The following RPH3A variants were observed in gnomAD, a reference collection of about 807,000 sequenced individuals.
The protein encoded by RPH3A is rabphilin-3A.
In RPH3A, 48 loss-of-function variants were observed where a neutral mutation model predicts 102.2. That is an observed-to-expected ratio of 0.47 (90% CI 0.37 to 0.60). The LOEUF (loss-of-function observed/expected upper bound fraction) is 0.60, where lower values mean the gene tolerates loss of function less well. Among genes scored for constraint, RPH3A ranks in the 20% least tolerant of loss-of-function variants. The pLI is 0.00. For missense variants in RPH3A, 781 were observed against 910.1 expected, an observed-to-expected ratio of 0.86 and a Z score of 1.83; for synonymous variants, 310 against 324.3, an observed-to-expected ratio of 0.96 and a Z score of 0.47.
intron 1 of RPH3A, among the ~76,000 whole-genome samples, chr12:112,667,069 C>T (rs1020547467): frequency 1.3e-5 from 2 of 152,168 alleles, no homozygotes; most frequent in African/African-American, 4.8e-5. Context: ...GTTCTCTGCT[C>T]CAGCCACAAA....
rs555054955 is a variant in RPH3A, at chr12:112,812,848, CCTT to C, written c.-18-15449_-18-15447del. Among the ~76,000 whole-genome samples, 88 of 152,306 alleles carry C rather than the reference CCTT, an allele frequency of 5.8e-4. 1 individual carries two copies. Among genetic ancestry groups the C allele is most frequent in the African/African-American group, 2.0e-3 (85 of 41,574 alleles). On this transcript the variant is annotated intron_variant, in intron 2 of 21. Transcript: ENST00000389385. ...CTTCTGATTTCTATCTCTTTGCAAA[CCTT>C]CTTTGAGCCAATGTATACAAATTAC...
At chr12:112,879,030 C>A (rs972382282) in intron 13 of RPH3A, 89 bp from the exon 14 acceptor site, 7 of 1,187,070 alleles carry the variant, frequency 5.9e-6, no homozygotes, top group Non-Finnish European at 8.7e-6. Context: ...CAATTCACAG[C>A]CCAGCCTGGG....
chr12:112,863,609 A>G (rs2042558040), intron 5 of RPH3A, among the ~76,000 whole-genome samples: 1 of 152,152 alleles, frequency 6.6e-6, no homozygotes, highest in Non-Finnish European at 1.5e-5. Flanking sequence ...GTGAGCCACC[A>G]TGCCCAGTTA....
chr12:112,729,116 C>T (rs538468442), intron 1 of RPH3A, among the ~76,000 whole-genome samples: 2 of 151,226 alleles, frequency 1.3e-5, no homozygotes, highest in Admixed American at 6.6e-5. Context: ...TCTAACCAGT[C>T]TTAGTTGGTC....
chr12:112,862,012 C>CAAAAA, intron 5 of RPH3A, among the ~76,000 whole-genome samples: 1 of 78,480 alleles, frequency 1.3e-5, no homozygotes, highest in South Asian at 4.6e-4. Context: ...GACTCCGTCT[C>CAAAAA]AAAAAAAAAA....
intron 1 of RPH3A, among the ~76,000 whole-genome samples, chr12:112,643,184 C>T (rs1258101382): frequency 6.6e-6 from 1 of 152,168 alleles, no homozygotes; most frequent in Admixed American, 6.5e-5. Flanking sequence ...ATTTAACCAC[C>T]ATCACGCTGT....
At chr12:112,842,554 T>A (rs1055520231) in intron 4 of RPH3A, among the ~76,000 whole-genome samples, 2 of 152,220 alleles carry the variant, frequency 1.3e-5, no homozygotes, top group African/African-American at 4.8e-5. Context: ...GGTTACTGTA[T>A]CTTCATAGCA....
intron 1 of RPH3A, among the ~76,000 whole-genome samples, chr12:112,704,066 C>A (rs984738692): frequency 6.6e-6 from 1 of 151,930 alleles, no homozygotes; most frequent in East Asian, 1.9e-4. Context: ...ACTCCATTTC[C>A]TCCTATCTTT....
At chr12:112,593,460 A>T (rs906140983) in intron 1 of RPH3A, among the ~76,000 whole-genome samples, 4 of 152,214 alleles carry the variant, frequency 2.6e-5, no homozygotes, top group Non-Finnish European at 4.4e-5. Flanking sequence ...AGCAGAACCT[A>T]GTCCATCCTG....
At chr12:112,767,828 A>C (rs1279493863) in intron 1 of RPH3A, among the ~76,000 whole-genome samples, 1 of 152,106 alleles carries the variant, frequency 6.6e-6, no homozygotes, top group South Asian at 2.1e-4. Context: ...GATGAACCTT[A>C]AAAAAAATCA....
At chr12:112,820,942 C>T (rs948378351) in intron 2 of RPH3A, among the ~76,000 whole-genome samples, 1 of 152,350 alleles carries the variant, frequency 6.6e-6, no homozygotes, top group Middle Eastern at 3.4e-3. Context: ...AGGCCTGTCT[C>T]TGTCATTGTC....
At chr12:112,595,513 C>T (rs536157521) in intron 1 of RPH3A, among the ~76,000 whole-genome samples, 79 of 152,260 alleles carry the variant, frequency 5.2e-4, no homozygotes, top group Non-Finnish European at 5.6e-4. Context: ...CTCCTCCTTC[C>T]CCTTTTGCCT....
At chr12:112,858,463 G>A (rs2042451125) in intron 5 of RPH3A, among the ~76,000 whole-genome samples, 1 of 152,010 alleles carries the variant, frequency 6.6e-6, no homozygotes, top group African/African-American at 2.4e-5. Context: ...CAGCCATGCT[G>A]AGCACCTCTC....
intron 1 of RPH3A, among the ~76,000 whole-genome samples, chr12:112,769,504 A>G (rs943774954): frequency 2.0e-5 from 3 of 152,256 alleles, no homozygotes; most frequent in Non-Finnish European, 2.9e-5. Context: ...TGTCTTAGCT[A>G]ACCTTGTAGA....
intron 1 of RPH3A, among the ~76,000 whole-genome samples, chr12:112,584,389 C>T (rs577175813): frequency 6.6e-6 from 1 of 152,276 alleles, no homozygotes; most frequent in South Asian, 2.1e-4. Flanking sequence ...CGCTCCAGGG[C>T]CCCGGAAGTT....
chr12:112,864,513 AC>A (rs1268383537), intron 5 of RPH3A, among the ~76,000 whole-genome samples: 1 of 151,892 alleles, frequency 6.6e-6, no homozygotes, highest in African/African-American at 2.4e-5. Flanking sequence ...TGTGTATGCA[AC>A]AGAGAGAGAC....
In RPH3A at chr12:112,885,828, T is replaced by C. The variant is rs550241143; in HGVS notation, c.1437-1969T>C. Among the ~76,000 whole-genome samples the C allele has an allele frequency of 3.0e-4, 46 of 152,338 alleles. 1 individual carries two copies. The highest frequency in any genetic ancestry group is 1.0e-3 in the African/African-American group (42 of 41,580). On this transcript the variant is annotated intron_variant, in intron 16 of 21. Coordinates refer to ENST00000389385, the MANE Select transcript of RPH3A (RefSeq NM_001143854.2). ...ATTATTATGGACTATAGTCACCCTGTTGTGCTATCAAATATTAGATCTCAT... is the reference window on the plus strand; with the variant it reads ...ATTATTATGGACTATAGTCACCCTGCTGTGCTATCAAATATTAGATCTCAT...
At chr12:112,816,892 G>A (rs942916687) in intron 2 of RPH3A, among the ~76,000 whole-genome samples, 10 of 152,062 alleles carry the variant, frequency 6.6e-5, no homozygotes, top group Non-Finnish European at 8.8e-5. Flanking sequence ...ACTTGACAAC[G>A]GCATGTTTTG....
intron 1 of RPH3A, among the ~76,000 whole-genome samples, chr12:112,581,807 C>T (rs1001058560): frequency 6.7e-6 from 1 of 148,282 alleles, no homozygotes; most frequent in African/African-American, 2.5e-5. Flanking sequence ...ACACTGAAGA[C>T]ACACGGGTTC....
Sources: gnomAD v4.1 joint callset for allele counts (sites outside exome capture counted in the v4.1 genomes callset) on GRCh38, gnomAD v4.1.1 for gene constraint, MANE v1.5 for transcripts, NCBI Gene and HGNC (gene_info 2026-07-23, HGNC 2026-07-21) for gene names.